CD300E: variants seen among roughly 807,000 people sequenced by gnomAD.
The protein encoded by CD300E is CD300e molecule.
A neutral mutation model predicts 20.9 loss-of-function variants in CD300E; 14 were observed. That is an observed-to-expected ratio of 0.67 (90% CI 0.44 to 1.05). CD300E has a LOEUF of 1.05. Ranked by LOEUF, CD300E falls within the 50% of genes least tolerant of loss-of-function variation. The pLI, the probability that CD300E is intolerant of heterozygous loss-of-function variation, is 0.00. For missense variants in CD300E, 237 were observed against 253.9 expected, an observed-to-expected ratio of 0.93 and a Z score of 0.45; for synonymous variants, 102 against 103.7, an observed-to-expected ratio of 0.98 and a Z score of 0.10.
At chr17:74,619,162 A>G in intron 1 of CD300E, 1 of 470,604 alleles carries the variant, frequency 2.1e-6, no homozygotes, top group Non-Finnish European at 4.4e-6. Context: ...ACCTCCTTCT[A>G]GGTTCTGGAC....
chr17:74,618,226 G>A (rs2143366119), intron 1 of CD300E, among the ~76,000 whole-genome samples: 1 of 152,378 alleles, frequency 6.6e-6, no homozygotes, highest in South Asian at 2.1e-4. Context: ...GCTGTAGGTA[G>A]GCAGAAGTTC....
At chr17:74,614,554 C>G (rs2030858556) in intron 2 of CD300E, among the ~76,000 whole-genome samples, 1 of 150,568 alleles carries the variant, frequency 6.6e-6, no homozygotes, top group Non-Finnish European at 1.5e-5. Context: ...ACAATCTCAG[C>G]TCACCACAAC....
At chr17:74,619,836 C>T (rs2030982983) in intron 1 of CD300E, among the ~76,000 whole-genome samples, 1 of 152,140 alleles carries the variant, frequency 6.6e-6, no homozygotes, top group Non-Finnish European at 1.5e-5. Flanking sequence ...GCCAAGCAAA[C>T]ATCAGTCCCT....
Position 74,611,105 on chromosome 17 carries a change from T to C in CD300E, c.*1548A>G, listed in dbSNP as rs923326781. 6.6e-6 allele frequency: 1 copy of C among 152,246 alleles called. No homozygotes were observed. The highest frequency in any genetic ancestry group is 2.4e-5 in the African/African-American group (1 of 41,460). The allele number at this position is 152,246 out of a possible 1,614,324, so 9.4% of individuals were successfully genotyped here. ...GTAATGACTTGGGAGCTTATCCTTC[T>C]CATAAAATGAATCATAAGCTCCTTT... is the stretch of plus-strand genomic sequence containing the variant. On this transcript the variant is annotated 3_prime_UTR_variant, in exon 4 of 4. Transcript: ENST00000392619.
chr17:74,612,249 C>G lies in CD300E; in HGVS notation c.*404G>C, dbSNP rs868826109. The G allele has an allele frequency of 5.4e-3, 342 of 63,644 alleles. No individual in the cohort carries two copies. Among genetic ancestry groups the G allele is most frequent in the African/African-American group, 0.013 (290 of 22,124 alleles). 3.9% of individuals were successfully genotyped at this position (63,644 alleles called of 1,614,324 possible). On this transcript the variant is annotated 3_prime_UTR_variant, in exon 4 of 4. Transcript: ENST00000392619. ...GCTCTCTCTCTCTCTCTCTCTCTGT[C>G]TCTCTCTCTCTCTCTCTCTCTCTCT...
Position 74,610,649 on chromosome 17 carries a change from T to C in CD300E, c.*2004A>G, listed in dbSNP as rs2030756843. On this transcript the variant is annotated 3_prime_UTR_variant, in exon 4 of 4. Transcript: ENST00000392619. ...TCCCATCTTGTTCTGCTCAAATCCA[T>C]CCCACCATAGCTAATCAAAGTTTAA... The C allele has an allele frequency of 6.6e-6, 1 of 152,204 alleles. No individual in the cohort carries two copies. 9.4% of individuals were successfully genotyped at this position (152,204 alleles called of 1,614,324 possible).
In CD300E at chr17:74,623,622, G is replaced by T; in HGVS notation, c.-1C>A. Reference sequence around the variant, plus strand: ...GGAGTAGAGCTGGGAGCAGCCACATGTTCCTGTCTCCTTGGCTTCCGTCCT... The same window carrying T: ...GGAGTAGAGCTGGGAGCAGCCACATTTTCCTGTCTCCTTGGCTTCCGTCCT... On this transcript the variant is annotated 5_prime_UTR_variant, in exon 1 of 4. Transcript: ENST00000392619. 5 of 1,614,168 alleles carry T rather than the reference G, an allele frequency of 3.1e-6. No homozygotes were observed. The highest frequency in any genetic ancestry group is 4.2e-6 in the Non-Finnish European group (5 of 1,180,000).
chr17:74,610,292 G>A lies in CD300E; in HGVS notation c.*2361C>T, dbSNP rs1468012576. On this transcript the variant is annotated 3_prime_UTR_variant, in exon 4 of 4. Transcript: ENST00000392619. ...CTACCCTTTGTCTTTAAATGCAGGTGCCCCGAGGGCTCTGTCCTTGGTTCT... is the reference window on the plus strand; with the variant it reads ...CTACCCTTTGTCTTTAAATGCAGGTACCCCGAGGGCTCTGTCCTTGGTTCT... 1 of 152,326 alleles carries A rather than the reference G, an allele frequency of 6.6e-6. No individual in the cohort carries two copies. The highest frequency in any genetic ancestry group is 1.5e-5 in the Non-Finnish European group (1 of 68,176). The allele number at this position is 152,326 out of a possible 1,614,324, so 9.4% of individuals were successfully genotyped here. A position where few individuals can be genotyped will look rare whatever the true frequency, so the allele number is the denominator to read the frequency against.
intron 1 of CD300E, among the ~76,000 whole-genome samples, chr17:74,622,037 G>A (rs933326663): frequency 5.3e-5 from 8 of 151,854 alleles, no homozygotes; most frequent in African/African-American, 1.9e-4. Flanking sequence ...CTCCTGGGCT[G>A]AAGCATTCCT....
chr17:74,612,387 G>C lies in CD300E; in HGVS notation c.*266C>G, dbSNP rs189152820. On this transcript the variant is annotated 3_prime_UTR_variant, in exon 4 of 4. Coordinates refer to ENST00000392619, the MANE Select transcript of CD300E (RefSeq NM_181449.3). The stretch of plus-strand genomic sequence containing the variant: ...ATTATAGGCACTCGCTATGGTGCCC[G>C]GCCAACTTCCAGGGAATTCTTGCCC... 1 of 299,000 alleles carries C rather than the reference G, an allele frequency of 3.3e-6. No individual in the cohort carries two copies. The highest frequency in any genetic ancestry group is 6.7e-5 in the East Asian group (1 of 15,004). The allele number at this position is 299,000 out of a possible 1,614,324, so 18.5% of individuals were successfully genotyped here.
At chr17:74,617,567 T>C (rs1280980226) in intron 1 of CD300E, 102 bp from the exon 2 acceptor site, 1 of 1,008,486 alleles carries the variant, frequency 9.9e-7, no homozygotes, top group Non-Finnish European at 1.5e-6. Context: ...GACCTGGGTG[T>C]TTCCTGGGAG....
chr17:74,622,665 T>C (rs1396651418), intron 1 of CD300E, among the ~76,000 whole-genome samples: 1 of 152,200 alleles, frequency 6.6e-6, no homozygotes, highest in African/African-American at 2.4e-5. Context: ...GTCCAACCTT[T>C]GCAGGACAGT....
chr17:74,614,077 A>G (rs1440176752), intron 2 of CD300E, 44 bp from the exon 3 acceptor site: 21 of 1,425,354 alleles, frequency 1.5e-5, no homozygotes, highest in Non-Finnish European at 2.0e-5. Context: ...CTGGGCTCCC[A>G]GCCATGCACA....
intron 1 of CD300E, chr17:74,619,233 G>A (rs1444027559): frequency 4.5e-6 from 2 of 444,694 alleles, no homozygotes; most frequent in Non-Finnish European, 4.7e-6. Flanking sequence ...GCTTGTCACA[G>A]CCAAGAGTCT....
In CD300E at chr17:74,614,012, GTCC is replaced by G; in HGVS notation, c.407_409del (p.Arg136del). 6.2e-7 allele frequency: 1 copy of G among 1,613,926 alleles called. No individual in the cohort carries two copies. Among genetic ancestry groups the G allele is most frequent in the Non-Finnish European group, 8.5e-7 (1 of 1,179,904 alleles). ...GATGGGAGGTGTGGCTGGATGTGTG[GTCC>G]TCCTTGGGGTTGTAATTGCTGTTGG... is the stretch of plus-strand genomic sequence containing the variant. On this transcript the variant is annotated inframe_deletion, in exon 3 of 4. Coordinates refer to ENST00000392619, the MANE Select transcript of CD300E (RefSeq NM_181449.3).
At chr17:74,619,817 C>T (rs1384305495) in intron 1 of CD300E, among the ~76,000 whole-genome samples, 1 of 152,142 alleles carries the variant, frequency 6.6e-6, no homozygotes, top group African/African-American at 2.4e-5. Flanking sequence ...ACTTTTCAAG[C>T]CATTCTAAGC....
At chr17:74,612,873 A>G in intron 3 of CD300E, 100 bp from the exon 4 acceptor site, 1 of 1,490,454 alleles carries the variant, frequency 6.7e-7, no homozygotes. Context: ...AGCCCAAATA[A>G]CCCAGGAGCA....
chr17:74,613,314 G>C (rs2030825630), intron 3 of CD300E, among the ~76,000 whole-genome samples: 1 of 152,172 alleles, frequency 6.6e-6, no homozygotes, highest in African/African-American at 2.4e-5. Flanking sequence ...TGTTGCCCAG[G>C]CTGGTCTCAA....
chr17:74,613,349 G>A (rs2030826298), intron 3 of CD300E, among the ~76,000 whole-genome samples: 1 of 152,154 alleles, frequency 6.6e-6, no homozygotes, highest in East Asian at 1.9e-4. Flanking sequence ...GTGATCCACC[G>A]CCTCGGCCTC....
Sources: allele counts gnomAD v4.1 joint callset (sites outside exome capture counted in the v4.1 genomes callset), GRCh38; gene constraint gnomAD v4.1.1; transcripts MANE v1.5; gene names NCBI Gene and HGNC (gene_info 2026-07-23, HGNC 2026-07-21).